The following DLC1 variants were observed in gnomAD, a reference collection of about 807,000 sequenced individuals.
DLC1 encodes the protein DLC1 Rho GTPase activating protein.
A neutral mutation model predicts 140.3 loss-of-function variants in DLC1; 54 were observed. That is an observed-to-expected ratio of 0.38 (90% confidence interval 0.31 to 0.48). The LOEUF (loss-of-function observed/expected upper bound fraction) is 0.48, where lower values mean the gene tolerates loss of function less well. Ranked by LOEUF, DLC1 falls within the 20% of genes least tolerant of loss-of-function variation. The pLI is 0.96. For missense variants in DLC1, 2,536 were observed against 1,907.0 expected (o/e 1.33, Z -6.14); for synonymous variants, 986 against 728.1 (o/e 1.35, Z -5.70).
At chr8:13,320,809 G>A (rs541138782) in intron 4 of DLC1, among the ~76,000 whole-genome samples, 2 of 152,130 alleles carry the variant, frequency 1.3e-5, no homozygotes, top group Non-Finnish European at 2.9e-5. Flanking sequence ...GAGGCCAAGA[G>A]TTCTAGACCA....
chr8:13,494,196 G>T (rs182861703), intron 2 of DLC1, among the ~76,000 whole-genome samples: 1 of 152,266 alleles, frequency 6.6e-6, no homozygotes, highest in East Asian at 1.9e-4. Context: ...TTCACAACGT[G>T]TCATGATATA....
chr8:13,503,669 C>T (rs995122337), intron 1 of DLC1, among the ~76,000 whole-genome samples: 12 of 152,152 alleles, frequency 7.9e-5, no homozygotes, highest in African/African-American at 2.9e-4. Flanking sequence ...GTCTGTAGAA[C>T]TGACAGTAGT....
chr8:13,185,814 C>T (rs1228298968), intron 5 of DLC1, among the ~76,000 whole-genome samples: 1 of 152,126 alleles, frequency 6.6e-6, no homozygotes, highest in African/African-American at 2.4e-5. Flanking sequence ...TTAGTGCTTC[C>T]TTCAGGAGCT....
chr8:13,160,812 G>A (rs375742072), intron 5 of DLC1, among the ~76,000 whole-genome samples: 24 of 152,334 alleles, frequency 1.6e-4, no homozygotes, highest in East Asian at 1.2e-3. Context: ...GGAGCCGGGC[G>A]TGGTGGCTCA....
chr8:13,101,955 C>T (rs1310036983), intron 8 of DLC1, among the ~76,000 whole-genome samples: 1 of 152,098 alleles, frequency 6.6e-6, no homozygotes, highest in African/African-American at 2.4e-5. Flanking sequence ...GCCCAAGTTT[C>T]ACAGGACAAT....
At chr8:13,319,938 T>G (rs1470813894) in intron 4 of DLC1, among the ~76,000 whole-genome samples, 1 of 149,990 alleles carries the variant, frequency 6.7e-6, no homozygotes, top group Non-Finnish European at 1.5e-5. Flanking sequence ...ATGTCCTGTC[T>G]CAGCCTCCCA....
At chr8:13,509,598 T>C (rs1225640898) in intron 1 of DLC1, among the ~76,000 whole-genome samples, 2 of 152,234 alleles carry the variant, frequency 1.3e-5, no homozygotes, top group Non-Finnish European at 2.9e-5. Context: ...TAAGCACTTA[T>C]TATGGGCCAA....
intron 5 of DLC1, among the ~76,000 whole-genome samples, chr8:13,254,778 A>G (rs1225707746): frequency 2.6e-5 from 4 of 152,240 alleles, no homozygotes; most frequent in Admixed American, 6.5e-5. Flanking sequence ...TGCATAGTAC[A>G]TGTTCCATGT....
intron 2 of DLC1, among the ~76,000 whole-genome samples, chr8:13,424,883 G>A (rs1055802604): frequency 1.4e-4 from 21 of 152,250 alleles, no homozygotes; most frequent in African/African-American, 5.1e-4. Flanking sequence ...ATAAAATGAA[G>A]CTACTTTGAG....
intron 5 of DLC1, among the ~76,000 whole-genome samples, chr8:13,231,264 T>TA (rs1829035693): frequency 4.6e-5 from 7 of 152,104 alleles, no homozygotes; most frequent in Admixed American, 4.6e-4. Context: ...TCTTAACTGA[T>TA]GGAAACGATT....
At position 13,330,866 on chromosome 8, in the gene DLC1, G is replaced by C. The variant is rs566840449; in HGVS notation, c.1315-25564C>G. Among the ~76,000 whole-genome samples the C allele has an allele frequency of 5.3e-5, 8 of 152,244 alleles. No homozygotes were observed. In the South Asian group the frequency reaches 1.7e-3, roughly 32 times the overall value. ...TTCCTTACAAGGCTCATTTTCATGA[G>C]CGTGGAAACAGGTTAGCCTTATAGG... On this transcript the variant is annotated intron_variant, in intron 4 of 17. Transcript: ENST00000276297.
intron 2 of DLC1, among the ~76,000 whole-genome samples, chr8:13,440,792 A>G (rs538600875): frequency 6.6e-6 from 1 of 152,140 alleles, no homozygotes; most frequent in African/African-American, 2.4e-5. Context: ...GGGATTCTGC[A>G]TTTGCTTCTT....
chr8:13,124,837 T>C (rs1215347966), intron 5 of DLC1, among the ~76,000 whole-genome samples: 1 of 152,216 alleles, frequency 6.6e-6, no homozygotes, highest in African/African-American at 2.4e-5. Context: ...CCAGATGTCT[T>C]ATCAATTACA....
rs913261697 is a variant in DLC1 at position 13,083,716 on chromosome 8, G to A, written c.*2095C>T. 2.0e-5 allele frequency: 3 copies of A among 152,616 alleles called. No individual in the cohort carries two copies. Among genetic ancestry groups the A allele is most frequent in the South Asian group, 2.1e-4 (1 of 4,832 alleles). The allele number at this position is 152,616 out of a possible 1,614,324, so 9.5% of individuals were successfully genotyped here. A position where few individuals can be genotyped will look rare whatever the true frequency, so the allele number is the denominator to read the frequency against. ...TGGACCTTTGTTGGAGAGAATCTCC[G>A]TGCTTCCTGAACCTTCACCAGGGTT... On this transcript the variant is annotated 3_prime_UTR_variant, in exon 18 of 18. Transcript: ENST00000276297.
At chr8:13,089,850 G>A (rs577204930) in intron 15 of DLC1, among the ~76,000 whole-genome samples, 10 of 152,204 alleles carry the variant, frequency 6.6e-5, no homozygotes, top group South Asian at 6.2e-4. Context: ...AGGGATCCCC[G>A]CTCATTAAAG....
chr8:13,572,925 T>C (rs1037089597), intron 1 of DLC1, among the ~76,000 whole-genome samples: 1 of 152,232 alleles, frequency 6.6e-6, no homozygotes, highest in African/African-American at 2.4e-5. Flanking sequence ...ATCTCTATCC[T>C]TTTTGTTCAA....
At chr8:13,127,484 C>G (rs146861388) in intron 5 of DLC1, among the ~76,000 whole-genome samples, 1 of 152,182 alleles carries the variant, frequency 6.6e-6, no homozygotes, top group Non-Finnish European at 1.5e-5. Context: ...CTGTGCTATA[C>G]AATTTGAAAA....
chr8:13,229,639 A>AAG (rs1828953783), intron 5 of DLC1, among the ~76,000 whole-genome samples: 2 of 151,270 alleles, frequency 1.3e-5, no homozygotes, highest in Non-Finnish European at 1.5e-5. Flanking sequence ...GAGAAGAAGG[A>AAG]AGAGAGAGAG....
intron 5 of DLC1, among the ~76,000 whole-genome samples, chr8:13,245,758 T>G (rs1247559897): frequency 2.0e-5 from 3 of 152,178 alleles, no homozygotes; most frequent in Non-Finnish European, 4.4e-5. Context: ...TGGAGTGCAG[T>G]GGCATGATCT....
Sources: gnomAD v4.1 joint callset for allele counts (sites outside exome capture counted in the v4.1 genomes callset) on GRCh38, gnomAD v4.1.1 for gene constraint, MANE v1.5 for transcripts, NCBI Gene and HGNC (gene_info 2026-07-23, HGNC 2026-07-21) for gene names.